The following RAB3D variants were observed in gnomAD, a reference collection of about 807,000 sequenced individuals.
The protein encoded by RAB3D is ras-related protein Rab-3D.
RAB3D carries 17 observed loss-of-function variants against 19.3 expected under a neutral mutation model. The observed-to-expected ratio is 0.88, with a 90% CI of 0.60 to 1.32. The LOEUF is 1.32. Among genes scored for constraint, RAB3D ranks in the 40% most tolerant of loss-of-function variants. The pLI is 0.00. For missense variants in RAB3D, 223 were observed against 299.1 expected, an observed-to-expected ratio of 0.75 and a Z score of 1.88; for synonymous variants, 103 against 119.9, an observed-to-expected ratio of 0.86 and a Z score of 0.92.
In RAB3D at chr19:11,325,129, A is replaced by C; in HGVS notation, c.*269T>G. 1 of 366,704 alleles carries C rather than the reference A, an allele frequency of 2.7e-6. No homozygotes were observed. The highest frequency in any genetic ancestry group is 5.0e-5 in the East Asian group (1 of 19,976). 22.7% of individuals were successfully genotyped at this position (366,704 alleles called of 1,614,324 possible). The stretch of plus-strand genomic sequence containing the variant: ...ATGGCCACCCTCAACACACCCTGGA[A>C]AGCAGCAAGCTCATGCACGTCAGTG... On this transcript the variant is annotated 3_prime_UTR_variant, in exon 5 of 5. Coordinates refer to ENST00000222120, the MANE Select transcript of RAB3D (RefSeq NM_004283.4).
chr19:11,339,586 G>C lies in RAB3D; in HGVS notation c.-179C>G, dbSNP rs1966931158. 6.6e-6 allele frequency: 1 copy of C among 152,376 alleles called. No individual in the cohort carries two copies. Among genetic ancestry groups the C allele is most frequent in the Admixed American group, 6.5e-5 (1 of 15,286 alleles). 9.4% of individuals were successfully genotyped at this position (152,376 alleles called of 1,614,324 possible). Reference sequence around the variant, plus strand: ...CTCGCTGCGGCTTGGCCCTGGCCGCGACCCCGACCCCGCAGCCGCAGAAGC... The same window carrying C: ...CTCGCTGCGGCTTGGCCCTGGCCGCCACCCCGACCCCGCAGCCGCAGAAGC... On this transcript the variant is annotated 5_prime_UTR_variant, in exon 1 of 5. Transcript: ENST00000222120.
chr19:11,325,614 G>A (rs1234961542), intron 4 of RAB3D, 29 bp from the exon 5 acceptor site: 3 of 1,447,106 alleles, frequency 2.1e-6, no homozygotes, highest in East Asian at 2.5e-5. Context: ...GGGGACACTC[G>A]TAAGACCCCT....
chr19:11,334,756 T>A (rs775859429), intron 4 of RAB3D, among the ~76,000 whole-genome samples: 11 of 152,122 alleles, frequency 7.2e-5, no homozygotes, highest in Admixed American at 3.9e-4. Context: ...AACCCCATCT[T>A]TACTAAAAAT....
At chr19:11,327,562 C>G (rs1283987633) in intron 4 of RAB3D, among the ~76,000 whole-genome samples, 1 of 152,150 alleles carries the variant, frequency 6.6e-6, no homozygotes, top group Admixed American at 6.6e-5. Context: ...CCATGCCAGG[C>G]TAATTTTTGT....
chr19:11,337,298 GC>G lies in RAB3D; in HGVS notation c.101del (p.Gly34AlafsTer139), dbSNP rs755580906. The G allele has an allele frequency of 6.2e-7, 1 of 1,614,128 alleles. No individual in the cohort carries two copies. Among genetic ancestry groups the G allele is most frequent in the Non-Finnish European group, 8.5e-7 (1 of 1,180,022 alleles). On this transcript the variant is annotated frameshift_variant, in exon 2 of 5. Transcript: ENST00000222120. LOFTEE classifies it high-confidence loss of function. ...CGTATCGGAACAGGAAGGAAGTCTT[GC>G]CCACACTGCTGTTGCCTATCAGTAG... The part of the protein sequence containing the change: ...KLLLIGNSSV[G>X]KTSFLFRYAD...
At chr19:11,329,129 T>TG (rs924928634) in intron 4 of RAB3D, among the ~76,000 whole-genome samples, 25 of 151,302 alleles carry the variant, frequency 1.7e-4, no homozygotes, top group African/African-American at 6.0e-4. Flanking sequence ...ATGTTGCCCA[T>TG]GCTGGTCTCT....
At chr19:11,331,287 C>T (rs558152511) in intron 4 of RAB3D, among the ~76,000 whole-genome samples, 38 of 151,918 alleles carry the variant, frequency 2.5e-4, no homozygotes, top group Non-Finnish European at 4.3e-4. Context: ...AAGAGCAAGA[C>T]TCCGTGTAAA....
chr19:11,325,294 G>A lies in RAB3D; in HGVS notation c.*104C>T. ...AGGAGTCGGGGAGCAGTTGACAGGA[G>A]GGAAGGGATTGCCCTGAGCTTGGAG... On this transcript the variant is annotated 3_prime_UTR_variant, in exon 5 of 5. Transcript: ENST00000222120. The A allele has an allele frequency of 5.5e-6, 4 of 725,724 alleles. No homozygotes were observed. Among genetic ancestry groups the A allele is most frequent in the Middle Eastern group, 4.0e-4 (1 of 2,518 alleles). The allele number at this position is 725,724 out of a possible 1,614,324, so 45.0% of individuals were successfully genotyped here. A position where few individuals can be genotyped will look rare whatever the true frequency, so the allele number is the denominator to read the frequency against.
intron 1 of RAB3D, among the ~76,000 whole-genome samples, chr19:11,338,498 C>T (rs1257438351): frequency 6.6e-6 from 1 of 152,104 alleles, no homozygotes; most frequent in Admixed American, 6.5e-5. Flanking sequence ...CGCCCACCAA[C>T]TCATGCCAAA....
intron 1 of RAB3D, among the ~76,000 whole-genome samples, chr19:11,337,671 CTTTT>C (rs562747979): frequency 2.2e-5 from 3 of 138,806 alleles, no homozygotes; most frequent in African/African-American, 5.2e-5. Context: ...TTCTTTCTTT[CTTTT>C]TTTTTTTTTT....
rs1216778531 is a variant in RAB3D, at chr19:11,325,132, C to T, written c.*266G>A. 2.1e-5 allele frequency: 8 copies of T among 383,000 alleles called. No individual in the cohort carries two copies. The East Asian group carries it at 3.8e-4, about 18-fold the overall frequency. The allele number at this position is 383,000 out of a possible 1,614,324, so 23.7% of individuals were successfully genotyped here. On this transcript the variant is annotated 3_prime_UTR_variant, in exon 5 of 5. Coordinates refer to ENST00000222120, the MANE Select transcript of RAB3D (RefSeq NM_004283.4). ...GCCACCCTCAACACACCCTGGAAAGCAGCAAGCTCATGCACGTCAGTGTCC... is the reference window on the plus strand; with the variant it reads ...GCCACCCTCAACACACCCTGGAAAGTAGCAAGCTCATGCACGTCAGTGTCC...
intron 4 of RAB3D, among the ~76,000 whole-genome samples, chr19:11,334,398 G>A (rs1393238853): frequency 6.6e-6 from 1 of 152,180 alleles, no homozygotes; most frequent in Non-Finnish European, 1.5e-5. Context: ...GAATGCAGGA[G>A]GTAGAGGTTG....
chr19:11,322,535 G>A lies in RAB3D; in HGVS notation c.*2863C>T, dbSNP rs973582790. ...GTTTTCCCACGGCCTTTGGTTTAAT[G>A]TGTCTGTAAACTCAACAAACCTCCG... On this transcript the variant is annotated 3_prime_UTR_variant, in exon 5 of 5. Transcript: ENST00000222120. The A allele has an allele frequency of 6.6e-6, 1 of 152,134 alleles. No individual in the cohort carries two copies. Among genetic ancestry groups the A allele is most frequent in the African/African-American group, 2.4e-5 (1 of 41,426 alleles). The allele number at this position is 152,134 out of a possible 1,614,324, so 9.4% of individuals were successfully genotyped here.
chr19:11,329,374 C>T (rs924980768), intron 4 of RAB3D, among the ~76,000 whole-genome samples: 6 of 151,210 alleles, frequency 4.0e-5, no homozygotes, highest in South Asian at 2.1e-4. Flanking sequence ...TTTGGGAGGC[C>T]GAGGCAGCGG....
intron 4 of RAB3D, among the ~76,000 whole-genome samples, chr19:11,331,848 G>A (rs1330653366): frequency 6.6e-6 from 1 of 151,916 alleles, no homozygotes; most frequent in Non-Finnish European, 1.5e-5. Flanking sequence ...AAAACAGCTG[G>A]AGTTGCATAG....
At chr19:11,338,782 T>C (rs1338159934) in intron 1 of RAB3D, among the ~76,000 whole-genome samples, 1 of 152,106 alleles carries the variant, frequency 6.6e-6, no homozygotes. Context: ...TTCCAGGCAA[T>C]CTGTCCCACG....
chr19:11,332,097 G>A (rs1022705056), intron 4 of RAB3D, among the ~76,000 whole-genome samples: 6 of 152,136 alleles, frequency 3.9e-5, no homozygotes, highest in Admixed American at 2.6e-4. Context: ...GCAATGGTGC[G>A]ATCTCAGCTC....
chr19:11,328,932 C>CTTT (rs747096753), intron 4 of RAB3D, among the ~76,000 whole-genome samples: 16 of 137,720 alleles, frequency 1.2e-4, no homozygotes, highest in African/African-American at 4.2e-4. Flanking sequence ...CTTTATTCAT[C>CTTT]TTTTTTTTTT....
At chr19:11,327,553 C>A (rs576480644) in intron 4 of RAB3D, among the ~76,000 whole-genome samples, 2 of 152,300 alleles carry the variant, frequency 1.3e-5, no homozygotes, top group African/African-American at 2.4e-5. Context: ...TGTGAACCAC[C>A]ATGCCAGGCT....
Sources: allele counts gnomAD v4.1 joint callset (sites outside exome capture counted in the v4.1 genomes callset), GRCh38; gene constraint gnomAD v4.1.1; transcripts MANE v1.5; gene names NCBI Gene and HGNC (gene_info 2026-07-23, HGNC 2026-07-21).